The following UGT1A9 variants were observed in gnomAD, a reference collection of about 807,000 sequenced individuals.
The protein encoded by UGT1A9 is UDP-glucuronosyltransferase 1A9.
A neutral mutation model predicts 45.0 loss-of-function variants in UGT1A9; 35 were observed. The observed-to-expected ratio is 0.78, with a 90% CI of 0.59 to 1.03. The LOEUF is 1.03. Ranked by LOEUF, UGT1A9 falls within the 50% of genes least tolerant of loss-of-function variation. The pLI is 0.00. For missense variants in UGT1A9, 687 were observed against 666.6 expected (o/e 1.03, Z -0.34); for synonymous variants, 278 against 250.6 (o/e 1.11, Z -1.03).
intron 1 of UGT1A9, among the ~76,000 whole-genome samples, chr2:233,738,023 C>T (rs1271674048): frequency 2.6e-5 from 4 of 151,816 alleles, no homozygotes. Context: ...AATTGTAATC[C>T]CCATAATCCC....
At chr2:233,737,920 A>AT (rs1189793368) in intron 1 of UGT1A9, among the ~76,000 whole-genome samples, 1 of 152,076 alleles carries the variant, frequency 6.6e-6, no homozygotes, top group Non-Finnish European at 1.5e-5. Context: ...AGGCTAGTGT[A>AT]TTTAGTAGTG....
In UGT1A9 at chr2:233,743,758, G is replaced by T. The variant is rs761738753; in HGVS notation, c.856-23276G>T. 5 of 1,367,210 alleles carry T rather than the reference G, an allele frequency of 3.7e-6. No homozygotes were observed. In the Admixed American group the frequency reaches 9.5e-5, roughly 26 times the overall value. 84.7% of individuals were successfully genotyped at this position (1,367,210 alleles called of 1,614,324 possible). ...GTTTCTTGGCGTCCGACAACACCTCGTAGGCCTCGGCCACCTGCTTGAATC... is the reference window on the plus strand; with the variant it reads ...GTTTCTTGGCGTCCGACAACACCTCTTAGGCCTCGGCCACCTGCTTGAATC... On this transcript the variant is annotated intron_variant, in intron 1 of 4. Coordinates refer to ENST00000354728, the MANE Select transcript of UGT1A9 (RefSeq NM_021027.3).
At chr2:233,725,113 T>A (rs1198574402) in intron 1 of UGT1A9, among the ~76,000 whole-genome samples, 1 of 138,758 alleles carries the variant, frequency 7.2e-6, no homozygotes, top group African/African-American at 2.9e-5. Flanking sequence ...GGCAGGGAGG[T>A]TGCAGTGAGC....
At chr2:233,748,569 T>C (rs556466640) in intron 1 of UGT1A9, among the ~76,000 whole-genome samples, 1 of 151,818 alleles carries the variant, frequency 6.6e-6, no homozygotes, top group African/African-American at 2.4e-5. Context: ...GAAGTAGAAG[T>C]GTTAAAGAGG....
chr2:233,719,696 T>C (rs748911565), intron 1 of UGT1A9: 44 of 1,613,934 alleles, frequency 2.7e-5, no homozygotes, highest in Middle Eastern at 1.6e-4. Context: ...AGGTCTGTAT[T>C]GGTGCCTTCA....
intron 1 of UGT1A9, chr2:233,719,830 G>T: frequency 6.5e-7 from 1 of 1,548,976 alleles, no homozygotes; most frequent in Non-Finnish European, 8.7e-7. Context: ...CTGTTGAGGG[G>T]CCTAGTGTAT....
chr2:233,718,300 C>G, intron 1 of UGT1A9, among the ~76,000 whole-genome samples: 1 of 152,240 alleles, frequency 6.6e-6, no homozygotes, highest in Non-Finnish European at 1.5e-5. Flanking sequence ...AGCCTGAACA[C>G]TCTCTGTTTA....
intron 1 of UGT1A9, among the ~76,000 whole-genome samples, chr2:233,685,285 C>G (rs4338954): frequency 0.39 from 59,193 of 151,952 alleles, 11,730 homozygotes; most frequent in South Asian, 0.45. Flanking sequence ...CGCCCGCCTC[C>G]GCCTTTCAAA....
chr2:233,766,877 C>G (rs3213726), intron 1 of UGT1A9, among the ~76,000 whole-genome samples, 157 bp from the exon 2 acceptor site: 1 of 152,336 alleles, frequency 6.6e-6, no homozygotes, highest in Non-Finnish European at 1.5e-5. Context: ...GAGGAAAATG[C>G]TGTAAAACTT....
At chr2:233,742,936 C>T (rs78644424) in intron 1 of UGT1A9, 5,022 of 211,572 alleles carry the variant, frequency 0.024, 84 homozygotes, top group Non-Finnish European at 0.03. Flanking sequence ...ACATTCTGTC[C>T]TACCACTAGC....
At position 233,754,728 on chromosome 2, in the gene UGT1A9, C is replaced by CT. The variant is rs1413290062; in HGVS notation, c.856-12305dup. ...GGACTTGAAGCTGCCTGTCCCATCACTACCGTAGGACATGCAGAAGGAAGA... is the reference window on the plus strand; with the variant it reads ...GGACTTGAAGCTGCCTGTCCCATCACTTACCGTAGGACATGCAGAAGGAAGA... On this transcript the variant is annotated intron_variant, in intron 1 of 4. Transcript: ENST00000354728. 1.8e-5 allele frequency: 11 copies of CT among 620,812 alleles called. No individual in the cohort carries two copies. In the African/African-American group the frequency reaches 2.1e-4, roughly 12 times the overall value. 38.5% of individuals were successfully genotyped at this position (620,812 alleles called of 1,614,324 possible). A position where few individuals can be genotyped will look rare whatever the true frequency, so the allele number is the denominator to read the frequency against.
chr2:233,755,430 C>T (rs1467633549), intron 1 of UGT1A9: 1 of 318,494 alleles, frequency 3.1e-6, no homozygotes, highest in African/African-American at 2.2e-5. Flanking sequence ...GCCTCGCATC[C>T]CAAGATGCAG....
chr2:233,735,217 A>T (rs1317592719), intron 1 of UGT1A9, among the ~76,000 whole-genome samples: 1 of 152,114 alleles, frequency 6.6e-6, no homozygotes, highest in African/African-American at 2.4e-5. Flanking sequence ...GTGCATATAT[A>T]TTTAGGATAG....
At position 233,682,413 on chromosome 2, in the gene UGT1A9, A is replaced by G. The variant is rs1324390372; in HGVS notation, c.855+9624A>G. 25 of 1,613,852 alleles carry G rather than the reference A, an allele frequency of 1.5e-5. No individual in the cohort carries two copies. Among genetic ancestry groups the G allele is most frequent in the Middle Eastern group, 3.3e-4 (2 of 6,056 alleles). On this transcript the variant is annotated intron_variant, in intron 1 of 4. Coordinates refer to ENST00000354728, the MANE Select transcript of UGT1A9 (RefSeq NM_021027.3). The stretch of plus-strand genomic sequence containing the variant: ...GATGCCTGTGGCTTAATTGTTGCCA[A>G]ATATTTCTCCCTCCCCTCTGTGGTC...
chr2:233,759,176 C>T (rs982253420), intron 1 of UGT1A9, among the ~76,000 whole-genome samples: 3 of 152,132 alleles, frequency 2.0e-5, no homozygotes, highest in African/African-American at 4.8e-5. Flanking sequence ...GCAGGTTTCA[C>T]GGCAAAAAGT....
intron 1 of UGT1A9, among the ~76,000 whole-genome samples, chr2:233,737,902 TA>T (rs1468589686): frequency 1.3e-5 from 2 of 152,134 alleles, no homozygotes; most frequent in Non-Finnish European, 2.9e-5. Context: ...TCGAGTGTGG[TA>T]AAGAACAGGC....
chr2:233,680,465 C>T (rs1200139949), intron 1 of UGT1A9, among the ~76,000 whole-genome samples: 1 of 152,090 alleles, frequency 6.6e-6, no homozygotes, highest in Non-Finnish European at 1.5e-5. Flanking sequence ...ATGTCTAGTA[C>T]CAGTTAGGGT....
intron 1 of UGT1A9, among the ~76,000 whole-genome samples, chr2:233,694,152 C>T (rs1559347022): frequency 6.6e-6 from 1 of 152,148 alleles, no homozygotes; most frequent in Non-Finnish European, 1.5e-5. Flanking sequence ...AGAAATGTCC[C>T]AGTTCAAACA....
intron 1 of UGT1A9, among the ~76,000 whole-genome samples, chr2:233,720,787 C>T (rs369291144): frequency 6.6e-5 from 10 of 151,230 alleles, no homozygotes; most frequent in South Asian, 4.2e-4. Flanking sequence ...CTCACTGCAA[C>T]CTTCACCTCC....
Sources: gnomAD v4.1 joint callset for allele counts (sites outside exome capture counted in the v4.1 genomes callset) on GRCh38, gnomAD v4.1.1 for gene constraint, MANE v1.5 for transcripts, NCBI Gene and HGNC (gene_info 2026-07-23, HGNC 2026-07-21) for gene names.